The following TM7SF3 variants were observed in gnomAD, a reference collection of about 807,000 sequenced individuals.
TM7SF3 encodes transmembrane 7 superfamily member 3.
A neutral mutation model predicts 65.5 loss-of-function variants in TM7SF3; 60 were observed. The ratio of observed to expected loss-of-function variants is 0.92; its 90% CI spans 0.74 to 1.14. The LOEUF (loss-of-function observed/expected upper bound fraction) is 1.14. TM7SF3 is among the 50% of genes most tolerant of loss of function. TM7SF3 has a pLI of 0.00. For synonymous variants in TM7SF3, 264 were observed against 259.6 expected (o/e 1.02, Z -0.16); for missense variants, 623 against 684.8 (o/e 0.91, Z 1.01).
intron 11 of TM7SF3, 53 bp from the exon 12 acceptor site, chr12:26,974,280 C>A: frequency 6.5e-7 from 1 of 1,547,824 alleles, no homozygotes; most frequent in Non-Finnish European, 8.8e-7. Flanking sequence ...TAAAATCTAA[C>A]ATAATAATAC....
At position 27,012,270 on chromosome 12, in the gene TM7SF3, T is replaced by C. The variant is rs75120531; in HGVS notation, c.91+1808A>G. ...ACAAGGGAGGAAGATCATTACATTG[T>C]AGGGTGGTGGGGATTAAATAACACT... On this transcript the variant is annotated intron_variant, in intron 1 of 11. Coordinates refer to ENST00000343028, the MANE Select transcript of TM7SF3 (RefSeq NM_016551.3). Among the ~76,000 whole-genome samples the C allele has an allele frequency of 7.6e-4, 116 of 152,198 alleles. 1 individual carries two copies. In the East Asian group the frequency reaches 0.015, roughly 19 times the overall value.
chr12:27,014,092 C>T lies in TM7SF3; in HGVS notation c.77G>A (p.Gly26Glu), dbSNP rs1263404264. 4.5e-6 allele frequency: 7 copies of T among 1,570,368 alleles called. No individual in the cohort carries two copies. Among genetic ancestry groups the T allele is most frequent in the African/African-American group, 1.3e-5 (1 of 74,244 alleles). ...HRVAGAAEVF[G>E]NSSEGLIEFS... Reference sequence around the variant, plus strand: ...CCCGACCTTACCCTCGCTGGAATTCCCGAAGACCTCGGCTGCACCAGCCAC... The same window carrying T: ...CCCGACCTTACCCTCGCTGGAATTCTCGAAGACCTCGGCTGCACCAGCCAC... The change falls in exon 1 of 12, where the codon GGG (glycine) becomes GAG (glutamate). Residue 26 changes from glycine to glutamate, a missense_variant. Gly to Glu is a moderately conservative substitution (Grantham distance 98). Transcript: ENST00000343028.
At chr12:26,982,645 A>G (rs1433740601) in intron 7 of TM7SF3, 128 bp downstream of exon 7, 6 of 615,028 alleles carry the variant, frequency 9.8e-6, no homozygotes, top group Non-Finnish European at 1.6e-5. Flanking sequence ...ACTCACGACT[A>G]CAAGACCCCA....
In TM7SF3 at chr12:26,982,757, A is replaced by C. The variant is rs368873949; in HGVS notation, c.955+16T>G. On this transcript the variant is annotated intron_variant, in intron 7 of 11. Transcript: ENST00000343028. Reference sequence around the variant, plus strand: ...AGACTGCAAAATGGAAATAGCAACTACATTGGACATAATACCTGTTTTCCA... The same window carrying C: ...AGACTGCAAAATGGAAATAGCAACTCCATTGGACATAATACCTGTTTTCCA... 1.6e-5 allele frequency: 25 copies of C among 1,584,470 alleles called. No homozygotes were observed. The African/African-American group carries it at 3.4e-4, about 21-fold the overall frequency.
intron 3 of TM7SF3, 129 bp from the exon 4 acceptor site, chr12:26,996,991 C>G (rs1347580924): frequency 8.1e-6 from 8 of 983,612 alleles, no homozygotes; most frequent in Non-Finnish European, 8.7e-6. Context: ...CGTAGAGCTT[C>G]TAGTCGTATA....
chr12:27,004,625 C>CA (rs796786282), intron 1 of TM7SF3, among the ~76,000 whole-genome samples: 1 of 150,662 alleles, frequency 6.6e-6, no homozygotes, highest in Non-Finnish European at 1.5e-5. Context: ...CAAACAGAAC[C>CA]AAAAAAATCA....
At chr12:26,988,353 G>A (rs1316376858) in intron 6 of TM7SF3, among the ~76,000 whole-genome samples, 3 of 152,114 alleles carry the variant, frequency 2.0e-5, no homozygotes, top group Admixed American at 1.3e-4. Flanking sequence ...TTGTAGAGAC[G>A]GAGTTTCGCC....
At position 26,973,091 on chromosome 12, in the gene TM7SF3, AAAC is replaced by A. The variant is rs1939425934; in HGVS notation, c.*871_*873del. The stretch of plus-strand genomic sequence containing the variant: ...AAAATTTTAAAAAATACTGAAAAAA[AAAC>A]AAAGGGTAACTTTTGGATAATGTAT... On this transcript the variant is annotated 3_prime_UTR_variant, in exon 12 of 12. Transcript: ENST00000343028. 6.6e-6 allele frequency: 1 copy of A among 152,164 alleles called. No individual in the cohort carries two copies. The highest frequency in any genetic ancestry group is 2.4e-5 in the African/African-American group (1 of 41,454). The allele number at this position is 152,164 out of a possible 1,614,324, so 9.4% of individuals were successfully genotyped here.
intron 1 of TM7SF3, among the ~76,000 whole-genome samples, chr12:27,005,786 T>TG (rs1311769641): frequency 6.6e-6 from 1 of 152,074 alleles, no homozygotes; most frequent in Non-Finnish European, 1.5e-5. Flanking sequence ...AGGTATCTCT[T>TG]GGAGTATATT....
intron 1 of TM7SF3, among the ~76,000 whole-genome samples, chr12:27,010,290 AAAG>A (rs1421827756): frequency 2.6e-5 from 4 of 152,220 alleles, no homozygotes; most frequent in Non-Finnish European, 5.9e-5. Flanking sequence ...TATTGAAAGA[AAAG>A]AAAGAAAGAA....
intron 2 of TM7SF3, among the ~76,000 whole-genome samples, chr12:27,000,403 T>C (rs1412994423): frequency 6.6e-6 from 1 of 152,214 alleles, no homozygotes; most frequent in Non-Finnish European, 1.5e-5. Flanking sequence ...AGTTCAGTTT[T>C]CGAGGTACCT....
At chr12:27,010,904 C>T (rs150806474) in intron 1 of TM7SF3, among the ~76,000 whole-genome samples, 52 of 152,268 alleles carry the variant, frequency 3.4e-4, no homozygotes, top group African/African-American at 1.3e-3. Context: ...GAATCAGATC[C>T]TAATCTGGCA....
chr12:26,990,731 T>A (rs561709143), intron 5 of TM7SF3, 104 bp from the exon 6 acceptor site: 3 of 860,452 alleles, frequency 3.5e-6, no homozygotes, highest in South Asian at 1.9e-5. Context: ...TCATAAATTA[T>A]AATTCTTGCT....
At chr12:26,995,129 C>A in intron 5 of TM7SF3, 108 bp downstream of exon 5, 1 of 1,166,048 alleles carries the variant, frequency 8.6e-7, no homozygotes, top group East Asian at 2.4e-5. Flanking sequence ...GAGTGTCCCC[C>A]AAAAAGGAGA....
rs556567753 is a variant in TM7SF3, at chr12:26,974,711, A to G, written c.1451-484T>C. On this transcript the variant is annotated intron_variant, in intron 11 of 11. Transcript: ENST00000343028. ...TGAAAAGATTCAACCAATCGTACTCAGCTTCTAGTAAAGCTTCTAGCTTGG... is the reference window on the plus strand; with the variant it reads ...TGAAAAGATTCAACCAATCGTACTCGGCTTCTAGTAAAGCTTCTAGCTTGG... Among the ~76,000 whole-genome samples the G allele has an allele frequency of 3.3e-5, 5 of 152,308 alleles. No homozygotes were observed. In the East Asian group the frequency reaches 9.6e-4, roughly 29 times the overall value.
intron 5 of TM7SF3, among the ~76,000 whole-genome samples, chr12:26,993,427 A>C (rs1179244220): frequency 2.0e-5 from 3 of 152,198 alleles, no homozygotes; most frequent in Non-Finnish European, 4.4e-5. Context: ...TAAATAGGGA[A>C]TCCAATGGAC....
Position 26,971,815 on chromosome 12 carries a change from A to C in TM7SF3, c.*2150T>G, listed in dbSNP as rs1195261911. ...TCAAGTTTCAGTGTTACTGAAGTTA[A>C]TTATAGACAGTAAGGATTACAGAAT... On this transcript the variant is annotated 3_prime_UTR_variant, in exon 12 of 12. Coordinates refer to ENST00000343028, the MANE Select transcript of TM7SF3 (RefSeq NM_016551.3). The C allele has an allele frequency of 1.3e-5, 2 of 152,228 alleles. No individual in the cohort carries two copies. Among genetic ancestry groups the C allele is most frequent in the African/African-American group, 4.8e-5 (2 of 41,468 alleles). 9.4% of individuals were successfully genotyped at this position (152,228 alleles called of 1,614,324 possible).
intron 7 of TM7SF3, among the ~76,000 whole-genome samples, chr12:26,981,053 T>C (rs1939793298): frequency 6.6e-6 from 1 of 152,224 alleles, no homozygotes; most frequent in Non-Finnish European, 1.5e-5. Context: ...AAATAAAATG[T>C]AAAAGGTAAA....
At chr12:27,006,671 G>A (rs1261719503) in intron 1 of TM7SF3, among the ~76,000 whole-genome samples, 2 of 152,320 alleles carry the variant, frequency 1.3e-5, no homozygotes, top group Non-Finnish European at 2.9e-5. Flanking sequence ...ATCTTTTAGG[G>A]CTTAGGCAGA....
Sources: gnomAD v4.1 joint callset for allele counts (sites outside exome capture counted in the v4.1 genomes callset) on GRCh38, gnomAD v4.1.1 for gene constraint, MANE v1.5 for transcripts, NCBI Gene and HGNC (gene_info 2026-07-23, HGNC 2026-07-21) for gene names.